SLCO6A1: variants seen among roughly 807,000 people sequenced by gnomAD.
SLCO6A1 encodes the protein solute carrier organic anion transporter family member 6A1.
A neutral mutation model predicts 72.7 loss-of-function variants in SLCO6A1; 65 were observed. The observed-to-expected ratio is 0.89, with a 90% confidence interval of 0.73 to 1.10. The LOEUF is 1.10. Among genes scored for constraint, SLCO6A1 ranks in the 50% least tolerant of loss-of-function variants. The pLI is 0.00. For synonymous variants in SLCO6A1, 314 were observed against 298.2 expected (o/e 1.05, Z -0.55); for missense variants, 874 against 872.6 (o/e 1.00, Z -0.02).
chr5:102,449,486 A>G (rs1050630014), intron 6 of SLCO6A1, among the ~76,000 whole-genome samples: 1 of 151,706 alleles, frequency 6.6e-6, no homozygotes, highest in Non-Finnish European at 1.5e-5. Flanking sequence ...TCCCAGGTTC[A>G]TGCCATTCTC....
At chr5:102,485,295 A>C (rs1752399546) in intron 1 of SLCO6A1, among the ~76,000 whole-genome samples, 1 of 58,100 alleles carries the variant, frequency 1.7e-5, no homozygotes, top group South Asian at 3.8e-4. Flanking sequence ...TAAATAAATA[A>C]AATAAAATAA....
In SLCO6A1 at chr5:102,475,382, C is replaced by T. The variant is rs539103165; in HGVS notation, c.899+315G>A. Among the ~76,000 whole-genome samples, 11 of 152,002 alleles carry T rather than the reference C, an allele frequency of 7.2e-5. No individual in the cohort carries two copies. In the South Asian group the frequency reaches 2.1e-3, roughly 29 times the overall value. Reference sequence around the variant, plus strand: ...GCATGATTCCAGTTTTATAAGGTGTCTAAAATAGTCAGACTCTCAGAAAAC... The same window carrying T: ...GCATGATTCCAGTTTTATAAGGTGTTTAAAATAGTCAGACTCTCAGAAAAC... On this transcript the variant is annotated intron_variant, in intron 4 of 13. Coordinates refer to ENST00000506729, the MANE Select transcript of SLCO6A1 (RefSeq NM_173488.5).
Position 102,410,178 on chromosome 5 carries a change from T to C in SLCO6A1, c.1626+2812A>G, listed in dbSNP as rs543666865. Among the ~76,000 whole-genome samples the C allele has an allele frequency of 4.6e-5, 7 of 152,260 alleles. 1 individual carries two copies. The South Asian group carries it at 1.5e-3, about 32-fold the overall frequency. On this transcript the variant is annotated intron_variant, in intron 9 of 13. Coordinates refer to ENST00000506729, the MANE Select transcript of SLCO6A1 (RefSeq NM_173488.5). ...AACTGCAGTGGGTAGCTCCTCTCTG[T>C]AGGCGGGTCATCCTGTCCAGTGTTC...
chr5:102,420,062 G>T, intron 7 of SLCO6A1, 41 bp from the exon 8 acceptor site: 1 of 1,472,870 alleles, frequency 6.8e-7, no homozygotes, highest in Non-Finnish European at 9.1e-7. Context: ...AAAATAATCA[G>T]CTGATAGTAC....
At chr5:102,408,498 A>G (rs925903925) in intron 9 of SLCO6A1, among the ~76,000 whole-genome samples, 3 of 152,204 alleles carry the variant, frequency 2.0e-5, no homozygotes, top group Non-Finnish European at 4.4e-5. Context: ...GCCACATCAA[A>G]GTAAAACTTC....
intron 11 of SLCO6A1, among the ~76,000 whole-genome samples, chr5:102,390,606 G>C (rs1746699671): frequency 6.6e-6 from 1 of 151,750 alleles, no homozygotes; most frequent in Admixed American, 6.6e-5. Context: ...AATGTCTTTG[G>C]TGATGAAAAC....
At chr5:102,449,627 C>T (rs139768551) in intron 6 of SLCO6A1, among the ~76,000 whole-genome samples, 3,571 of 152,220 alleles carry the variant, frequency 0.023, 143 homozygotes, top group African/African-American at 0.082. Flanking sequence ...ACCTCGTGAT[C>T]CGCCCGCCTC....
chr5:102,406,878 T>C (rs1212862940), intron 9 of SLCO6A1, among the ~76,000 whole-genome samples: 1 of 152,186 alleles, frequency 6.6e-6, no homozygotes, highest in Non-Finnish European at 1.5e-5. Context: ...AAACTATCTA[T>C]ACTTAAATAA....
intron 6 of SLCO6A1, among the ~76,000 whole-genome samples, chr5:102,451,168 C>A (rs765054855): frequency 2.0e-5 from 3 of 152,186 alleles, no homozygotes; most frequent in Non-Finnish European, 2.9e-5. Context: ...TGCAATAGTC[C>A]TTAAGCTCAT....
chr5:102,388,938 C>T (rs1746580598), intron 11 of SLCO6A1, 113 bp from the exon 12 acceptor site: 5 of 906,378 alleles, frequency 5.5e-6, no homozygotes, highest in South Asian at 2.0e-5. Flanking sequence ...AAACATATCA[C>T]TTAAAATTAG....
At chr5:102,446,205 A>G (rs370776834) in intron 6 of SLCO6A1, among the ~76,000 whole-genome samples, 17 of 152,292 alleles carry the variant, frequency 1.1e-4, no homozygotes, top group South Asian at 6.2e-4. Context: ...ATTCATGAGT[A>G]TGGAATATTT....
At chr5:102,390,762 T>C (rs1746709924) in intron 11 of SLCO6A1, among the ~76,000 whole-genome samples, 2 of 152,158 alleles carry the variant, frequency 1.3e-5, no homozygotes, top group Non-Finnish European at 2.9e-5. Context: ...TCTGATCAAA[T>C]ATAATATGCA....
intron 7 of SLCO6A1, among the ~76,000 whole-genome samples, chr5:102,434,777 T>C (rs1216816499): frequency 6.6e-6 from 1 of 152,162 alleles, no homozygotes; most frequent in African/African-American, 2.4e-5. Context: ...AATCTGGCCA[T>C]CAGCTTCAGG....
intron 7 of SLCO6A1, among the ~76,000 whole-genome samples, chr5:102,424,640 A>G (rs757291490): frequency 2.6e-5 from 4 of 152,146 alleles, no homozygotes; most frequent in Admixed American, 2.0e-4. Flanking sequence ...TAGGCTACCA[A>G]TGAAAAAAAG....
intron 9 of SLCO6A1, among the ~76,000 whole-genome samples, chr5:102,412,019 C>G (rs757823311): frequency 2.6e-5 from 4 of 152,044 alleles, no homozygotes; most frequent in Non-Finnish European, 4.4e-5. Context: ...ACCTTGGTCT[C>G]CACAATCTTT....
rs778904513 is a variant in SLCO6A1 at position 102,399,616 on chromosome 5, T to G, written c.1753A>C (p.Ile585Leu). ...CYKLPLFIAF[I>L]FSTLIFSGFS... Reference sequence around the variant, plus strand: ...CCAGAAAATATAAGTGTAGAAAAGATAAAAGCAATGAACAAAGGTAACTTA... The same window carrying G: ...CCAGAAAATATAAGTGTAGAAAAGAGAAAAGCAATGAACAAAGGTAACTTA... The change falls in exon 10 of 14, where the codon ATC (isoleucine) becomes CTC (leucine). Residue 585 changes from isoleucine (I) to leucine (L), a missense_variant. Physicochemically the swap from Ile to Leu is conservative, Grantham distance 5 (BLOSUM62 2). Coordinates refer to ENST00000506729, the MANE Select transcript of SLCO6A1 (RefSeq NM_173488.5). The G allele has an allele frequency of 2.5e-6, 4 of 1,605,858 alleles. No individual in the cohort carries two copies. In the South Asian group the frequency reaches 3.3e-5, roughly 13 times the overall value.
chr5:102,384,044 T>C (rs573865805), intron 12 of SLCO6A1, among the ~76,000 whole-genome samples: 2 of 152,042 alleles, frequency 1.3e-5, no homozygotes, highest in African/African-American at 4.8e-5. Flanking sequence ...CTTTCATTTA[T>C]AATTTTATTT....
intron 6 of SLCO6A1, among the ~76,000 whole-genome samples, chr5:102,444,311 T>C (rs1749995056): frequency 6.6e-6 from 1 of 152,122 alleles, no homozygotes; most frequent in African/African-American, 2.4e-5. Flanking sequence ...ATTTCTAGAA[T>C]TTTATCTTTC....
intron 12 of SLCO6A1, among the ~76,000 whole-genome samples, chr5:102,381,458 C>T (rs79323726): frequency 0.016 from 2,414 of 151,688 alleles, 60 homozygotes; most frequent in African/African-American, 0.055. Context: ...TCTCATATTT[C>T]CATTGTCTAT....
Sources: gnomAD v4.1 joint callset for allele counts (sites outside exome capture counted in the v4.1 genomes callset) on GRCh38, gnomAD v4.1.1 for gene constraint, MANE v1.5 for transcripts, NCBI Gene and HGNC (gene_info 2026-07-23, HGNC 2026-07-21) for gene names.